The following ANKS1B variants were observed in gnomAD, a reference collection of about 807,000 sequenced individuals.
ANKS1B encodes ankyrin repeat and sterile alpha motif domain containing 1B.
A neutral mutation model predicts 148.3 loss-of-function variants in ANKS1B; 36 were observed. The observed-to-expected ratio is 0.24, with a 90% CI of 0.19 to 0.32. ANKS1B has a LOEUF of 0.32. Ranked by LOEUF, ANKS1B falls within the 10% of genes least tolerant of loss-of-function variation. The pLI is 1.00. For missense variants in ANKS1B, 1,157 were observed against 1,542.6 expected (o/e 0.75, Z 4.19); for synonymous variants, 542 against 560.8 (o/e 0.97, Z 0.47).
intron 8 of ANKS1B, among the ~76,000 whole-genome samples, chr12:99,656,358 C>T (rs545925509): frequency 7.4e-4 from 112 of 152,198 alleles, no homozygotes; most frequent in Non-Finnish European, 1.4e-3. Context: ...TCAATCTCTA[C>T]TGTGAAGCCA....
chr12:99,724,947 A>G (rs2058470800), intron 8 of ANKS1B, among the ~76,000 whole-genome samples: 1 of 152,224 alleles, frequency 6.6e-6, no homozygotes, highest in Non-Finnish European at 1.5e-5. Context: ...TTTCCAGACA[A>G]GCAAATACTG....
chr12:99,065,543 C>T (rs566839517), intron 16 of ANKS1B, among the ~76,000 whole-genome samples: 21 of 151,996 alleles, frequency 1.4e-4, no homozygotes, highest in Non-Finnish European at 2.4e-4. Context: ...AGTATACTCA[C>T]GTTCACTTAG....
At chr12:98,842,259 C>A (rs931288245) in intron 17 of ANKS1B, among the ~76,000 whole-genome samples, 2 of 152,144 alleles carry the variant, frequency 1.3e-5, no homozygotes, top group African/African-American at 4.8e-5. Context: ...GAATGGGCTA[C>A]ATGATACAGG....
chr12:98,820,193 C>T (rs1013332998), intron 19 of ANKS1B, among the ~76,000 whole-genome samples: 2 of 152,192 alleles, frequency 1.3e-5, no homozygotes, highest in Non-Finnish European at 2.9e-5. Flanking sequence ...ATGGGGTGTT[C>T]ATCAACACTG....
rs768513756 is a variant in ANKS1B, at chr12:99,731,307, C to T, written c.1128+41615G>A. Among the ~76,000 whole-genome samples the T allele has an allele frequency of 8.5e-5, 13 of 152,074 alleles. No homozygotes were observed. In the East Asian group the frequency reaches 1.2e-3, roughly 14 times the overall value. ...ATAATTTTTGTATTTTTAGTAGAGA[C>T]GGGGTTTCACCACGTTGGCCAGGCT... On this transcript the variant is annotated intron_variant, in intron 8 of 26. Transcript: ENST00000683438.
At chr12:98,741,640 A>G (rs565021175), downstream of ANKS1B, among the ~76,000 whole-genome samples, 136 of 152,260 alleles carry the variant, frequency 8.9e-4, no homozygotes, top group Non-Finnish European at 1.7e-3. Flanking sequence ...CAACCTGCTC[A>G]AACCCACACC....
At chr12:99,608,473 A>C (rs1214032817) in intron 9 of ANKS1B, among the ~76,000 whole-genome samples, 2 of 152,124 alleles carry the variant, frequency 1.3e-5, no homozygotes, top group Non-Finnish European at 2.9e-5. Flanking sequence ...CCCCTATAGC[A>C]AAAACCACTT....
At chr12:98,753,368 G>A (rs1341059821) in intron 25 of ANKS1B, among the ~76,000 whole-genome samples, 1 of 152,178 alleles carries the variant, frequency 6.6e-6, no homozygotes, top group Non-Finnish European at 1.5e-5. Flanking sequence ...ACTGGTCACA[G>A]AGAGTGTTCT....
chr12:99,596,551 T>C (rs1226966414), intron 9 of ANKS1B, among the ~76,000 whole-genome samples: 1 of 151,900 alleles, frequency 6.6e-6, no homozygotes, highest in East Asian at 1.9e-4. Flanking sequence ...TTTGACCTAG[T>C]ATGGGGGTAG....
chr12:99,851,356 A>G (rs2087805336), intron 1 of ANKS1B, among the ~76,000 whole-genome samples: 1 of 151,984 alleles, frequency 6.6e-6, no homozygotes, highest in Admixed American at 6.6e-5. Flanking sequence ...TTCCTAATTA[A>G]GTTTTCTGGC....
intron 17 of ANKS1B, among the ~76,000 whole-genome samples, chr12:98,966,133 T>G (rs1405549997): frequency 6.6e-6 from 1 of 151,984 alleles, no homozygotes; most frequent in African/African-American, 2.4e-5. Context: ...GGGAGAAAAT[T>G]TTTGCAATCT....
At chr12:99,872,877 G>C (rs1325367896) in intron 1 of ANKS1B, among the ~76,000 whole-genome samples, 1 of 152,026 alleles carries the variant, frequency 6.6e-6, no homozygotes, top group Non-Finnish European at 1.5e-5. Flanking sequence ...AAAATGATGA[G>C]GGTCTTATTC....
rs544435699 is a variant in ANKS1B at position 99,677,234 on chromosome 12, T to A, written c.1129-22024A>T. Among the ~76,000 whole-genome samples, 14 of 152,340 alleles carry A rather than the reference T, an allele frequency of 9.2e-5. 1 individual carries two copies. In the South Asian group the frequency reaches 2.1e-3, roughly 23 times the overall value. On this transcript the variant is annotated intron_variant, in intron 8 of 26. Transcript: ENST00000683438. ...TGGCCTCATCTCCGTTTCTAGGTCC[T>A]GCTCCACAGAGGTGTGATCAGGAGG... is the stretch of plus-strand genomic sequence containing the variant.
intron 17 of ANKS1B, among the ~76,000 whole-genome samples, chr12:98,981,242 A>C (rs1383956181): frequency 6.6e-6 from 1 of 151,956 alleles, no homozygotes; most frequent in Non-Finnish European, 1.5e-5. Context: ...GCCTCAAGCG[A>C]TCCTCCCACC....
chr12:98,952,510 T>G (rs2099855635), intron 17 of ANKS1B, among the ~76,000 whole-genome samples: 1 of 152,210 alleles, frequency 6.6e-6, no homozygotes, highest in Non-Finnish European at 1.5e-5. Context: ...CTCTGTTCCC[T>G]AAATAAGGAC....
chr12:99,609,394 C>T (rs371034426), intron 9 of ANKS1B, among the ~76,000 whole-genome samples: 5 of 151,948 alleles, frequency 3.3e-5, no homozygotes, highest in East Asian at 3.9e-4. Context: ...ATGAGAGAGA[C>T]GTCCTCAAGA....
At chr12:99,833,238 G>C (rs541411601) in intron 1 of ANKS1B, among the ~76,000 whole-genome samples, 1 of 152,268 alleles carries the variant, frequency 6.6e-6, no homozygotes, top group African/African-American at 2.4e-5. Context: ...GAAAAGCTTG[G>C]ATTTTATTCT....
At chr12:99,645,505 A>T (rs2098353189) in intron 9 of ANKS1B, among the ~76,000 whole-genome samples, 1 of 152,182 alleles carries the variant, frequency 6.6e-6, no homozygotes, top group African/African-American at 2.4e-5. Flanking sequence ...CTCCATTTCA[A>T]GGCTGAGAAA....
chr12:99,385,877 G>A (rs556378970), intron 12 of ANKS1B, among the ~76,000 whole-genome samples: 44 of 152,176 alleles, frequency 2.9e-4, no homozygotes, highest in Admixed American at 1.9e-3. Context: ...TTGAAATTAC[G>A]TAACATGTGA....
Sources: gnomAD v4.1 joint callset for allele counts (sites outside exome capture counted in the v4.1 genomes callset) on GRCh38, gnomAD v4.1.1 for gene constraint, MANE v1.5 for transcripts, NCBI Gene and HGNC (gene_info 2026-07-23, HGNC 2026-07-21) for gene names.